MIB1: variants seen among roughly 807,000 people sequenced by gnomAD.
The protein encoded by MIB1 is MIB E3 ubiquitin protein ligase 1.
MIB1 carries 278 observed loss-of-function variants against 124.5 expected under a neutral mutation model. The observed-to-expected ratio is 2.23, with a 90% CI of 2.02 to 2.47. MIB1 has a LOEUF of 2.47. Among genes scored for constraint, MIB1 ranks in the 30% most tolerant of loss-of-function variants. MIB1 has a pLI of 0.00. For synonymous variants in MIB1, 446 were observed against 429.4 expected (o/e 1.04, Z -0.48); for missense variants, 957 against 1,254.4 (o/e 0.76, Z 3.58).
chr18:21,724,676 G>T (rs1239290353), intron 1 of MIB1, among the ~76,000 whole-genome samples: 9 of 126,112 alleles, frequency 7.1e-5, no homozygotes, highest in Non-Finnish European at 1.1e-4. Flanking sequence ...CTGCACTCCT[G>T]CCTGGGCGAC....
chr18:21,721,159 G>GTTTGTTTTTTTTTTTTT (rs2040712847), intron 1 of MIB1, among the ~76,000 whole-genome samples: 1 of 29,758 alleles, frequency 3.4e-5, no homozygotes, highest in Non-Finnish European at 7.4e-5. Context: ...TTTTAAAGAA[G>GTTTGTTTTTTTTTTTTT]TTTTTTTTTT....
chr18:21,861,664 A>C lies in MIB1; in HGVS notation c.2881-2862A>C, dbSNP rs541578477. Reference sequence around the variant, plus strand: ...TTCAAGGTTATTAAAAAAAAAAAACAAACAACAACCAGAAAACATTCGAAT... The same window carrying C: ...TTCAAGGTTATTAAAAAAAAAAAACCAACAACAACCAGAAAACATTCGAAT... On this transcript the variant is annotated intron_variant, in intron 20 of 20. Coordinates refer to ENST00000261537, the MANE Select transcript of MIB1 (RefSeq NM_020774.4). 8.1e-3 allele frequency among the ~76,000 whole-genome samples: 1,168 copies of C among 144,122 alleles called. 15 individuals are homozygous for C. Among genetic ancestry groups the C allele is most frequent in the African/African-American group, 0.027 (1,072 of 39,740 alleles). 94.5% of individuals were successfully genotyped at this position (144,122 alleles called of 152,430 possible).
rs1313302608 is a variant in MIB1, at chr18:21,857,257, C to T, written c.2779+14C>T. On this transcript the variant is annotated intron_variant, in intron 19 of 20. Transcript: ENST00000261537. ...CTGATGATATCTGTAAGTCGATTGTCTTAAGCATTTTCATATTTTGCTTTT... is the reference window on the plus strand; with the variant it reads ...CTGATGATATCTGTAAGTCGATTGTTTTAAGCATTTTCATATTTTGCTTTT... 1 of 1,585,198 alleles carries T rather than the reference C, an allele frequency of 6.3e-7. No individual in the cohort carries two copies. Among genetic ancestry groups the T allele is most frequent in the Non-Finnish European group, 8.7e-7 (1 of 1,153,760 alleles).
rs1436044258 is a variant in MIB1, at chr18:21,866,221, C to T, written c.*1555C>T. On this transcript the variant is annotated 3_prime_UTR_variant, in exon 21 of 21. Coordinates refer to ENST00000261537, the MANE Select transcript of MIB1 (RefSeq NM_020774.4). ...TTACACTGTTTCTGGCTGTTTAATC[C>T]TTGCTGCCTTTGCAAGTCCTGGTGA... 6.6e-6 allele frequency: 1 copy of T among 152,096 alleles called. No individual in the cohort carries two copies. Among genetic ancestry groups the T allele is most frequent in the Non-Finnish European group, 1.5e-5 (1 of 68,016 alleles). 9.4% of individuals were successfully genotyped at this position (152,096 alleles called of 1,614,324 possible).
intron 3 of MIB1, among the ~76,000 whole-genome samples, chr18:21,773,082 A>G (rs1045629500): frequency 6.6e-6 from 1 of 152,148 alleles, no homozygotes; most frequent in Non-Finnish European, 1.5e-5. Context: ...CCTGGCCAAC[A>G]TGGTGAAACC....
chr18:21,864,310 A>G (rs1404717318), intron 20 of MIB1, among the ~76,000 whole-genome samples: 2 of 152,144 alleles, frequency 1.3e-5, no homozygotes, highest in Admixed American at 1.3e-4. Context: ...AATCTTATGT[A>G]GTACCTTTCA....
intron 18 of MIB1, among the ~76,000 whole-genome samples, chr18:21,856,000 G>A: frequency 6.6e-6 from 1 of 152,030 alleles, no homozygotes; most frequent in East Asian, 1.9e-4. Flanking sequence ...GGAGGCCGAA[G>A]CGGGTGGATC....
intron 3 of MIB1, 50 bp from the exon 4 acceptor site, chr18:21,773,574 C>A: frequency 8.7e-7 from 1 of 1,145,392 alleles, no homozygotes; most frequent in Non-Finnish European, 1.3e-6. Flanking sequence ...AAGAACTAAG[C>A]TCTTCCCTCC....
At chr18:21,848,376 G>A (rs1312866029) in intron 16 of MIB1, among the ~76,000 whole-genome samples, 2 of 150,034 alleles carry the variant, frequency 1.3e-5, no homozygotes, top group African/African-American at 2.5e-5. Flanking sequence ...TGAACCGGGA[G>A]GCGGAGGTTG....
chr18:21,750,179 G>C (rs2040958586), intron 1 of MIB1, among the ~76,000 whole-genome samples: 1 of 152,060 alleles, frequency 6.6e-6, no homozygotes, highest in South Asian at 2.1e-4. Flanking sequence ...GCCCAGGCTG[G>C]AGTGCAATGG....
At chr18:21,809,971 G>A (rs2041752340) in intron 10 of MIB1, among the ~76,000 whole-genome samples, 1 of 152,092 alleles carries the variant, frequency 6.6e-6, no homozygotes, top group Non-Finnish European at 1.5e-5. Flanking sequence ...AGTGATCTTA[G>A]TGAAACCTAA....
chr18:21,823,543 G>C (rs1598628148), intron 12 of MIB1, among the ~76,000 whole-genome samples: 1 of 152,128 alleles, frequency 6.6e-6, no homozygotes, highest in Non-Finnish European at 1.5e-5. Context: ...AGATCAATAT[G>C]AGTCTAGATT....
intron 8 of MIB1, among the ~76,000 whole-genome samples, chr18:21,799,000 A>C (rs910005433): frequency 6.6e-6 from 1 of 152,062 alleles, no homozygotes; most frequent in African/African-American, 2.4e-5. Flanking sequence ...AGTATGCTTA[A>C]CATTTAAATC....
chr18:21,863,555 C>T (rs186876545), intron 20 of MIB1, among the ~76,000 whole-genome samples: 109 of 148,782 alleles, frequency 7.3e-4, no homozygotes, highest in Non-Finnish European at 1.1e-3. Context: ...ATCTCTCCTC[C>T]GAAGTCCAGT....
At chr18:21,773,046 A>G (rs915944183) in intron 3 of MIB1, among the ~76,000 whole-genome samples, 5 of 152,124 alleles carry the variant, frequency 3.3e-5, no homozygotes, top group African/African-American at 1.2e-4. Context: ...CGGGCAGATC[A>G]CCTGAGGTCA....
At chr18:21,796,307 A>G (rs1005198768) in intron 7 of MIB1, among the ~76,000 whole-genome samples, 12 of 151,834 alleles carry the variant, frequency 7.9e-5, no homozygotes, top group African/African-American at 2.9e-4. Flanking sequence ...AAAACCAAAC[A>G]CCACATGTTC....
intron 12 of MIB1, among the ~76,000 whole-genome samples, chr18:21,822,026 G>C (rs553096800): frequency 9.9e-5 from 15 of 152,206 alleles, no homozygotes; most frequent in African/African-American, 3.4e-4. Flanking sequence ...CATATGCTCT[G>C]GCTATACAAG....
intron 15 of MIB1, 66 bp from the exon 16 acceptor site, chr18:21,846,878 T>C: frequency 1.1e-5 from 16 of 1,459,044 alleles, no homozygotes; most frequent in Non-Finnish European, 1.5e-5. Flanking sequence ...CACATACATA[T>C]ATATGATGAC....
At chr18:21,777,524 CTAATG>C (rs1184707910) in intron 4 of MIB1, among the ~76,000 whole-genome samples, 1 of 152,020 alleles carries the variant, frequency 6.6e-6, no homozygotes, top group Non-Finnish European at 1.5e-5. Context: ...GCATTTTAGT[CTAATG>C]TAATAAGATT....
Sources: gnomAD v4.1 joint callset for allele counts (sites outside exome capture counted in the v4.1 genomes callset) on GRCh38, gnomAD v4.1.1 for gene constraint, MANE v1.5 for transcripts, NCBI Gene and HGNC (gene_info 2026-07-23, HGNC 2026-07-21) for gene names.